Variants in ASCC2 observed in about 807,000 individuals in gnomAD.
ASCC2 encodes activating signal cointegrator 1 complex subunit 2.
ASCC2 carries 42 observed loss-of-function variants against 93.5 expected under a neutral mutation model. The ratio of observed to expected loss-of-function variants is 0.45; its 90% CI spans 0.35 to 0.58. The LOEUF (loss-of-function observed/expected upper bound fraction) is 0.58. ASCC2 is among the 20% of genes least tolerant of loss of function. The pLI is 0.00. For synonymous variants in ASCC2, 364 were observed against 384.2 expected (o/e 0.95, Z 0.62); for missense variants, 859 against 977.6 (o/e 0.88, Z 1.62).
At chr22:29,824,743 G>GAA (rs60229316) in intron 4 of ASCC2, among the ~76,000 whole-genome samples, 11 of 147,964 alleles carry the variant, frequency 7.4e-5, no homozygotes, top group African/African-American at 2.7e-4. Flanking sequence ...TTAAAGTCAG[G>GAA]AAAAAAAAAA....
chr22:29,806,886 C>T lies in ASCC2; in HGVS notation c.927G>A (p.Trp309Ter). The T allele has an allele frequency of 1.2e-6, 2 of 1,613,650 alleles. No homozygotes were observed. The highest frequency in any genetic ancestry group is 1.7e-6 in the Non-Finnish European group (2 of 1,179,686). Residue 309 changes from tryptophan to a stop codon, truncating the protein, a stop_gained, in exon 10 of 20, where the codon TGG (tryptophan) becomes TGA (stop). Coordinates refer to ENST00000307790, the MANE Select transcript of ASCC2 (RefSeq NM_032204.5). LOFTEE classifies it high-confidence loss of function. ...TCTTCCTGGAATGGGAGAGCCTCTG[C>T]CACAGGTCACCAAGAAGCCTAGGCC... ...LEDSKLLGDL[W>*]QRLSHSRKKL... is the part of the protein sequence containing the mutation.
At chr22:29,791,709 C>G (rs1177345208) in intron 18 of ASCC2, among the ~76,000 whole-genome samples, 2 of 152,144 alleles carry the variant, frequency 1.3e-5, no homozygotes, top group African/African-American at 4.8e-5. Context: ...CAACAAAACA[C>G]ACACACACAC....
At position 29,825,799 on chromosome 22, in the gene ASCC2, C is replaced by G. The variant is rs749435358; in HGVS notation, c.82-19G>C. The G allele has an allele frequency of 1.7e-5, 27 of 1,592,388 alleles. No individual in the cohort carries two copies. The highest frequency in any genetic ancestry group is 2.7e-5 in the African/African-American group (2 of 74,460). On this transcript the variant is annotated intron_variant, in intron 2 of 19. Transcript: ENST00000307790. This position sits in a 1 kb window ranked among gnomAD's most constrained non-coding sequence, Gnocchi z 4.9. ...CGGGGTGCTACGGATCCAAAAACCA[C>G]GTGTTAACGTGGCAGAGGTTAGTCA...
intron 2 of ASCC2, among the ~76,000 whole-genome samples, chr22:29,827,830 C>T: frequency 7.6e-6 from 1 of 131,208 alleles, no homozygotes. Flanking sequence ...CACACACACA[C>T]ATACACCCAG....
At chr22:29,810,901 T>C (rs1468188438) in intron 8 of ASCC2, among the ~76,000 whole-genome samples, 2 of 152,140 alleles carry the variant, frequency 1.3e-5, no homozygotes, top group Non-Finnish European at 2.9e-5. Context: ...CAGCTAATTT[T>C]TGTATTTTTA....
At chr22:29,798,512 A>G (rs2058703819) in intron 15 of ASCC2, among the ~76,000 whole-genome samples, 1 of 152,172 alleles carries the variant, frequency 6.6e-6, no homozygotes, top group Non-Finnish European at 1.5e-5. Flanking sequence ...GGAAAGATAC[A>G]TTCTGGATGA....
At chr22:29,818,685 C>T (rs1053908071) in intron 5 of ASCC2, among the ~76,000 whole-genome samples, 25 of 152,082 alleles carry the variant, frequency 1.6e-4, no homozygotes, top group Admixed American at 5.2e-4. Flanking sequence ...GTGATCTGGA[C>T]GATTAGGAGC....
rs566314376 is a variant in ASCC2 at position 29,790,590 on chromosome 22, C to A, written c.2023-42G>T. 3.8e-6 allele frequency: 6 copies of A among 1,591,842 alleles called. No individual in the cohort carries two copies. The South Asian group carries it at 4.4e-5, about 12-fold the overall frequency. On this transcript the variant is annotated intron_variant, in intron 18 of 19. Coordinates refer to ENST00000307790, the MANE Select transcript of ASCC2 (RefSeq NM_032204.5). ...AGACCAAATCTGGAGTCAGGAGCTG[C>A]CACATTTTCCTAAGCGGCGATGAGG...
At chr22:29,816,920 A>G (rs1449261529) in intron 5 of ASCC2, among the ~76,000 whole-genome samples, 2 of 152,160 alleles carry the variant, frequency 1.3e-5, no homozygotes, top group Non-Finnish European at 2.9e-5. Flanking sequence ...TAATCCCAGC[A>G]TCTAAGGCTG....
rs146167118 is a variant in ASCC2 at position 29,788,993 on chromosome 22, C to G, written c.*20G>C. 6,557 of 1,613,968 alleles carry G rather than the reference C, an allele frequency of 4.1e-3. 20 individuals are homozygous for G. The highest frequency in any genetic ancestry group is 4.6e-3 in the Non-Finnish European group (5,428 of 1,179,840). On this transcript the variant is annotated 3_prime_UTR_variant, in exon 20 of 20. Coordinates refer to ENST00000307790, the MANE Select transcript of ASCC2 (RefSeq NM_032204.5). The stretch of plus-strand genomic sequence containing the variant: ...GGTGAGTCTGGTGCCGCTGCCTCCC[C>G]ACTGGCCCTGCACCAGGTCTCAGGA...
At chr22:29,792,329 C>G in intron 18 of ASCC2, 104 bp downstream of exon 18, 1 of 1,541,048 alleles carries the variant, frequency 6.5e-7, no homozygotes, top group Non-Finnish European at 8.7e-7. Context: ...GCCAGTGATG[C>G]TGGGGCTGCC....
chr22:29,822,660 T>C (rs549840969), intron 4 of ASCC2, among the ~76,000 whole-genome samples, 196 bp from the exon 5 acceptor site: 2 of 151,686 alleles, frequency 1.3e-5, no homozygotes, highest in Admixed American at 6.6e-5. Context: ...ATCTATGTTT[T>C]TGTGTCTCTA....
rs772550617 is a variant in ASCC2 at position 29,793,341 on chromosome 22, A to AC, written c.1919+18dup. 26 of 1,612,066 alleles carry AC rather than the reference A, an allele frequency of 1.6e-5. No homozygotes were observed. Among genetic ancestry groups the AC allele is most frequent in the Non-Finnish European group, 2.0e-5 (24 of 1,179,958 alleles). On this transcript the variant is annotated intron_variant, in intron 17 of 19. Coordinates refer to ENST00000307790, the MANE Select transcript of ASCC2 (RefSeq NM_032204.5). ...GAGAGCTGCTCTGCCCTGGAACGCCACCCCCACTATGGCCTCACCTGCGGC... is the reference window on the plus strand; with the variant it reads ...GAGAGCTGCTCTGCCCTGGAACGCCACCCCCCACTATGGCCTCACCTGCGGC...
chr22:29,791,276 C>T (rs113380085), intron 18 of ASCC2, among the ~76,000 whole-genome samples: 3,976 of 152,028 alleles, frequency 0.026, 81 homozygotes, highest in East Asian at 0.064. Flanking sequence ...ACTAGGGAAG[C>T]TGAGGTGGGA....
Position 29,792,522 on chromosome 22 carries a change from G to GGA in ASCC2, c.1931_1932dup (p.Pro645SerfsTer5). Reference sequence around the variant, plus strand: ...GGCACTTTGGTTCTCAGCACCTGAGGGATGGTGAATGGCCTGAGGGTGTGG... The same window carrying GGA: ...GGCACTTTGGTTCTCAGCACCTGAGGGAGATGGTGAATGGCCTGAGGGTGTGG... On this transcript the variant is annotated frameshift_variant, in exon 18 of 20. Coordinates refer to ENST00000307790, the MANE Select transcript of ASCC2 (RefSeq NM_032204.5). LOFTEE classifies it high-confidence loss of function. 6.2e-7 allele frequency: 1 copy of GGA among 1,614,034 alleles called. No individual in the cohort carries two copies. Among genetic ancestry groups the GGA allele is most frequent in the Middle Eastern group, 1.6e-4 (1 of 6,062 alleles).
chr22:29,829,377 C>G (rs917449586), intron 2 of ASCC2, among the ~76,000 whole-genome samples: 1 of 152,114 alleles, frequency 6.6e-6, no homozygotes, highest in Non-Finnish European at 1.5e-5. Flanking sequence ...TATAGAACAC[C>G]ACCTGGCATT....
Position 29,788,744 on chromosome 22 carries a change from C to A in ASCC2, c.*269G>T. On this transcript the variant is annotated 3_prime_UTR_variant, in exon 20 of 20. Coordinates refer to ENST00000307790, the MANE Select transcript of ASCC2 (RefSeq NM_032204.5). ...GGGCGCTTGCCTTGGGACTCCATCCCCATCTCTTTCCCGCTAGCGCAGCTG... is the reference window on the plus strand; with the variant it reads ...GGGCGCTTGCCTTGGGACTCCATCCACATCTCTTTCCCGCTAGCGCAGCTG... 2.0e-6 allele frequency: 1 copy of A among 497,286 alleles called. No homozygotes were observed. Among genetic ancestry groups the A allele is most frequent in the Non-Finnish European group, 3.6e-6 (1 of 274,906 alleles). 30.8% of individuals were successfully genotyped at this position (497,286 alleles called of 1,614,324 possible).
intron 5 of ASCC2, among the ~76,000 whole-genome samples, chr22:29,819,800 G>A (rs528403274): frequency 6.6e-6 from 1 of 152,270 alleles, no homozygotes; most frequent in African/African-American, 2.4e-5. Flanking sequence ...TTCTCTAACT[G>A]TACCTTCTGA....
chr22:29,804,918 G>A (rs2059506047), intron 12 of ASCC2, 88 bp from the exon 13 acceptor site: 1 of 1,426,666 alleles, frequency 7.0e-7, no homozygotes, highest in African/African-American at 1.4e-5. Context: ...CTGACCACAT[G>A]GTTCCTGCCA....
Sources: allele counts gnomAD v4.1 joint callset (sites outside exome capture counted in the v4.1 genomes callset), GRCh38; gene constraint gnomAD v4.1.1; non-coding constraint Gnocchi (gnomAD v3.1); transcripts MANE v1.5; gene names NCBI Gene and HGNC (gene_info 2026-07-23, HGNC 2026-07-21).